Variants in SERGEF observed in about 807,000 individuals in gnomAD.
SERGEF encodes secretion regulating guanine nucleotide exchange factor.
A neutral mutation model predicts 50.0 loss-of-function variants in SERGEF; 51 were observed. That is an observed-to-expected ratio of 1.02 (90% CI 0.81 to 1.29). SERGEF has a LOEUF of 1.29. Among genes scored for constraint, SERGEF ranks in the 50% most tolerant of loss-of-function variants. The pLI is 0.00. For missense variants in SERGEF, 521 were observed against 557.0 expected (o/e 0.94, Z 0.65); for synonymous variants, 205 against 212.4 (o/e 0.97, Z 0.30).
chr11:17,956,870 A>G (rs1462220601), intron 9 of SERGEF, among the ~76,000 whole-genome samples: 2 of 152,198 alleles, frequency 1.3e-5, no homozygotes, highest in Admixed American at 1.3e-4. Context: ...TGACCAAGGT[A>G]GCACCTAGTT....
At chr11:17,971,367 G>A (rs886997648) in intron 8 of SERGEF, among the ~76,000 whole-genome samples, 2 of 152,156 alleles carry the variant, frequency 1.3e-5, no homozygotes, top group East Asian at 3.8e-4. Flanking sequence ...AGCCTTCTAT[G>A]GGAAGAAGAT....
At chr11:17,945,417 A>C (rs1322111048) in intron 9 of SERGEF, among the ~76,000 whole-genome samples, 1 of 152,234 alleles carries the variant, frequency 6.6e-6, no homozygotes, top group Non-Finnish European at 1.5e-5. Flanking sequence ...TACTAGCCAC[A>C]TGTGGCTACT....
chr11:17,959,174 T>C (rs1267606681), intron 9 of SERGEF, among the ~76,000 whole-genome samples: 1 of 152,166 alleles, frequency 6.6e-6, no homozygotes, highest in Non-Finnish European at 1.5e-5. Flanking sequence ...TGGCCAGCCT[T>C]GTCATTTTCT....
intron 5 of SERGEF, among the ~76,000 whole-genome samples, chr11:17,997,832 A>T (rs984128600): frequency 6.6e-6 from 1 of 152,230 alleles, no homozygotes; most frequent in African/African-American, 2.4e-5. Flanking sequence ...AGTAGTCAAA[A>T]GTATAGATAC....
chr11:17,875,064 G>A (rs1425711529), intron 10 of SERGEF, among the ~76,000 whole-genome samples: 1 of 152,176 alleles, frequency 6.6e-6, no homozygotes, highest in Non-Finnish European at 1.5e-5. Flanking sequence ...ACATAGAGAA[G>A]GTAAGCCACT....
At chr11:17,838,015 C>A (rs1590146730) in intron 10 of SERGEF, among the ~76,000 whole-genome samples, 1 of 152,166 alleles carries the variant, frequency 6.6e-6, no homozygotes, top group South Asian at 2.1e-4. Flanking sequence ...TTCCTTGATA[C>A]AATCACCAAA....
chr11:17,815,645 C>A (rs1007793596), intron 10 of SERGEF, among the ~76,000 whole-genome samples: 5 of 151,414 alleles, frequency 3.3e-5, no homozygotes, highest in Non-Finnish European at 5.9e-5. Context: ...AAAAACCGGC[C>A]GGGCTTGGTA....
intron 10 of SERGEF, among the ~76,000 whole-genome samples, chr11:17,804,424 T>C (rs761089614): frequency 2.0e-5 from 3 of 152,212 alleles, no homozygotes; most frequent in Non-Finnish European, 4.4e-5. Context: ...CAGACCATAG[T>C]TTGGGAACCA....
intron 8 of SERGEF, among the ~76,000 whole-genome samples, chr11:17,981,921 C>A (rs1256122507): frequency 3.3e-5 from 5 of 152,298 alleles, no homozygotes; most frequent in African/African-American, 1.2e-4. Context: ...CTGCCCCAGC[C>A]TCCCAAGTAG....
chr11:17,874,214 A>AT (rs1348845432), intron 10 of SERGEF: 2 of 152,228 alleles, frequency 1.3e-5, no homozygotes, highest in Non-Finnish European at 2.9e-5. Flanking sequence ...CATGTACTTG[A>AT]CATACCTATG....
At chr11:17,910,639 CTCAT>C (rs1358417914) in intron 9 of SERGEF, among the ~76,000 whole-genome samples, 1 of 152,138 alleles carries the variant, frequency 6.6e-6, no homozygotes, top group African/African-American at 2.4e-5. Context: ...ACACCATTCA[CTCAT>C]TCATTCATTC....
At chr11:17,937,528 C>A (rs1852477136) in intron 9 of SERGEF, among the ~76,000 whole-genome samples, 1 of 151,958 alleles carries the variant, frequency 6.6e-6, no homozygotes, top group Non-Finnish European at 1.5e-5. Flanking sequence ...CAGAGAAAGA[C>A]CTTCCCTCAA....
intron 10 of SERGEF, among the ~76,000 whole-genome samples, chr11:17,802,034 C>T (rs756981597): frequency 6.6e-6 from 1 of 152,154 alleles, no homozygotes; most frequent in Non-Finnish European, 1.5e-5. Context: ...ACCACCGACC[C>T]AAGTTCTCCT....
intron 9 of SERGEF, among the ~76,000 whole-genome samples, chr11:17,902,582 T>C (rs1221461372): frequency 1.3e-5 from 2 of 151,916 alleles, no homozygotes; most frequent in Non-Finnish European, 1.5e-5. Flanking sequence ...ATGGAGGGAT[T>C]TGGGGAAGGT....
chr11:18,011,893 C>T (rs571768029), intron 1 of SERGEF, among the ~76,000 whole-genome samples: 2 of 152,238 alleles, frequency 1.3e-5, no homozygotes, highest in South Asian at 4.2e-4. Flanking sequence ...AAATTGCAGC[C>T]CCACATTCAA....
chr11:17,803,871 G>A (rs1480964153), intron 10 of SERGEF, among the ~76,000 whole-genome samples: 1 of 152,160 alleles, frequency 6.6e-6, no homozygotes, highest in East Asian at 1.9e-4. Flanking sequence ...CTAGCCGAGG[G>A]TTCAGATTAC....
At chr11:17,809,145 GA>G (rs3831594) in intron 10 of SERGEF, among the ~76,000 whole-genome samples, 60,044 of 151,786 alleles carry the variant, frequency 0.4, 13,706 homozygotes, top group East Asian at 0.72. Context: ...GGAGGAAGAA[GA>G]AAAGTTAGGG....
chr11:17,908,471 G>C (rs55641458), intron 9 of SERGEF, among the ~76,000 whole-genome samples: 1 of 151,958 alleles, frequency 6.6e-6, no homozygotes, highest in Non-Finnish European at 1.5e-5. Context: ...CGAGAAGACT[G>C]TTCTGACCAG....
At chr11:17,930,190 G>T (rs1852325821) in intron 9 of SERGEF, among the ~76,000 whole-genome samples, 1 of 152,198 alleles carries the variant, frequency 6.6e-6, no homozygotes, top group South Asian at 2.1e-4. Flanking sequence ...ACTTCATAGA[G>T]ATGTAGTGAA....
Sources: allele counts gnomAD v4.1 joint callset (sites outside exome capture counted in the v4.1 genomes callset), GRCh38; gene constraint gnomAD v4.1.1; transcripts MANE v1.5; gene names NCBI Gene and HGNC (gene_info 2026-07-23, HGNC 2026-07-21).